Variants in MGAT4C observed in about 807,000 individuals in gnomAD.
MGAT4C encodes the protein alpha-1,3-mannosyl-glycoprotein 4-beta-N-acetylglucosaminyltransferase C.
MGAT4C carries 19 observed loss-of-function variants against 40.1 expected under a neutral mutation model. That is an observed-to-expected ratio of 0.47 (90% confidence interval 0.33 to 0.70). The LOEUF (loss-of-function observed/expected upper bound fraction) is 0.70. Ranked by LOEUF, MGAT4C falls within the 30% of genes least tolerant of loss-of-function variation. The probability of loss-of-function intolerance (pLI) is 0.02; values close to 1 mark genes in which losing one functional copy is unlikely to be tolerated. For missense variants in MGAT4C, 491 were observed against 563.2 expected (o/e 0.87, Z 1.30); for synonymous variants, 181 against 187.1 (o/e 0.97, Z 0.27).
At chr12:86,547,526 T>C (rs1402606874) in intron 2 of MGAT4C, among the ~76,000 whole-genome samples, 2 of 152,138 alleles carry the variant, frequency 1.3e-5, no homozygotes, top group Non-Finnish European at 2.9e-5. Context: ...TAGCATGTAC[T>C]CAAAGATACC....
At chr12:86,446,319 G>T (rs1342511202) in intron 2 of MGAT4C, among the ~76,000 whole-genome samples, 1 of 151,868 alleles carries the variant, frequency 6.6e-6, no homozygotes, top group African/African-American at 2.4e-5. Context: ...ACTCATCCCA[G>T]GAAAGCTGCT....
intron 3 of MGAT4C, among the ~76,000 whole-genome samples, chr12:86,383,361 G>A (rs1955984248): frequency 6.6e-6 from 1 of 151,852 alleles, no homozygotes; most frequent in African/African-American, 2.4e-5. Flanking sequence ...AGACCATCCT[G>A]GCCAACATGG....
At chr12:86,731,078 C>CT (rs968715757) in intron 1 of MGAT4C, among the ~76,000 whole-genome samples, 2 of 152,016 alleles carry the variant, frequency 1.3e-5, no homozygotes, top group Non-Finnish European at 2.9e-5. Context: ...CTTTTGATTC[C>CT]TGTGTAGATG....
rs1043892476 is a variant in MGAT4C, at chr12:86,083,007, A to G, written c.-56-33284T>C. 3.3e-5 allele frequency among the ~76,000 whole-genome samples: 5 copies of G among 152,016 alleles called. No homozygotes were observed. In the South Asian group the frequency reaches 1.0e-3, roughly 31 times the overall value. On this transcript the variant is annotated intron_variant, in intron 1 of 4. Coordinates refer to ENST00000611864, the MANE Select transcript of MGAT4C (RefSeq NM_001351288.2). ...TTGTTTCAAAGACAACTCAGTCTCA[A>G]TCTACCCACAAATGAACTCAAATTA...
intron 2 of MGAT4C, among the ~76,000 whole-genome samples, chr12:86,682,090 G>T (rs948614699): frequency 2.0e-5 from 3 of 152,016 alleles, no homozygotes; most frequent in Non-Finnish European, 4.4e-5. Context: ...TCTGAATGCA[G>T]GTGCATGGTT....
At chr12:86,751,914 C>A (rs1951236055) in intron 1 of MGAT4C, among the ~76,000 whole-genome samples, 1 of 151,778 alleles carries the variant, frequency 6.6e-6, no homozygotes, top group South Asian at 2.1e-4. Flanking sequence ...TTTGTTAGGA[C>A]CAGGCTTAAT....
intron 3 of MGAT4C, among the ~76,000 whole-genome samples, chr12:86,341,982 G>A (rs933616413): frequency 3.9e-5 from 6 of 152,214 alleles, no homozygotes; most frequent in South Asian, 2.1e-4. Flanking sequence ...GACCCCCAGC[G>A]CAGCAGAGCT....
intron 4 of MGAT4C, among the ~76,000 whole-genome samples, chr12:86,285,693 C>A (rs1339781613): frequency 3.5e-4 from 1 of 2,878 alleles, no homozygotes; most frequent in Non-Finnish European, 6.3e-4. Flanking sequence ...ATAAATATAC[C>A]CCTGATGTCT....
In MGAT4C at chr12:86,565,788, G is replaced by A. The variant is rs1402927641; in HGVS notation, c.-228-130523C>T. Among the ~76,000 whole-genome samples the A allele has an allele frequency of 2.6e-5, 4 of 152,184 alleles. No individual in the cohort carries two copies. In the East Asian group the frequency reaches 7.7e-4, roughly 29 times the overall value. ...CAGAGGAGAATTTTAATAATCAAAT[G>A]GATAGGATGACTTGTTCTGTGGACA... is the stretch of plus-strand genomic sequence containing the variant. On this transcript the variant is annotated intron_variant, in intron 2 of 7. Transcript: ENST00000548651.
At chr12:86,345,479 T>C (rs192280677) in intron 3 of MGAT4C, among the ~76,000 whole-genome samples, 13 of 151,352 alleles carry the variant, frequency 8.6e-5, no homozygotes, top group East Asian at 5.9e-4. Context: ...CCTGTGTCCA[T>C]GTGTTCTCTT....
At position 85,971,190 on chromosome 12, in the gene MGAT4C, C is replaced by A. The variant is rs1883606770; in HGVS notation, c.*8099G>T. 1 of 151,128 alleles carries A rather than the reference C, an allele frequency of 6.6e-6. No individual in the cohort carries two copies. The highest frequency in any genetic ancestry group is 6.6e-5 in the Admixed American group (1 of 15,124). 9.4% of individuals were successfully genotyped at this position (151,128 alleles called of 1,614,324 possible). ...GATATCAAAATAATTAAACAAATTT[C>A]ACTTTCTTCTTATAAAAGAAAATAA... On this transcript the variant is annotated 3_prime_UTR_variant, in exon 5 of 5. Coordinates refer to ENST00000611864, the MANE Select transcript of MGAT4C (RefSeq NM_001351288.2).
intron 2 of MGAT4C, among the ~76,000 whole-genome samples, chr12:86,680,120 C>A (rs1949953063): frequency 6.6e-6 from 1 of 151,856 alleles, no homozygotes; most frequent in Admixed American, 6.6e-5. Context: ...GAGAATTTGG[C>A]CAAATCCCCA....
chr12:86,057,067 T>C (rs1463178470), intron 1 of MGAT4C, among the ~76,000 whole-genome samples: 2 of 152,122 alleles, frequency 1.3e-5, no homozygotes, highest in African/African-American at 4.8e-5. Context: ...GAACTTATAT[T>C]AATTTTATTT....
chr12:86,510,669 A>G (rs1958561703), intron 2 of MGAT4C, among the ~76,000 whole-genome samples: 2 of 152,162 alleles, frequency 1.3e-5, no homozygotes, highest in Non-Finnish European at 2.9e-5. Flanking sequence ...ATGGAAAACA[A>G]AAAAAGGCAG....
intron 1 of MGAT4C, among the ~76,000 whole-genome samples, chr12:86,734,195 T>C (rs78630336): frequency 1.3e-5 from 2 of 151,992 alleles, no homozygotes; most frequent in Non-Finnish European, 2.9e-5. Flanking sequence ...TGAAGGGAGA[T>C]TGAAATAAAA....
chr12:86,228,978 T>C (rs1951207971), intron 1 of MGAT4C, among the ~76,000 whole-genome samples: 1 of 151,888 alleles, frequency 6.6e-6, no homozygotes, highest in Admixed American at 6.6e-5. Flanking sequence ...GGAGGGATCA[T>C]GAAATGTGTG....
intron 3 of MGAT4C, among the ~76,000 whole-genome samples, chr12:86,362,479 G>C (rs889870667): frequency 3.5e-5 from 3 of 85,280 alleles, no homozygotes; most frequent in African/African-American, 1.0e-4. Context: ...TAGAACTTAA[G>C]GTATAATAAA....
intron 1 of MGAT4C, among the ~76,000 whole-genome samples, chr12:86,824,754 AGAGAG>A (rs1952773186): frequency 1.7e-5 from 2 of 119,682 alleles, no homozygotes; most frequent in African/African-American, 5.4e-5. Flanking sequence ...AAAAAAAAAA[AGAGAG>A]AGAGAGAGAA....
In MGAT4C at chr12:85,974,663, G is replaced by A. The variant is rs2136666133; in HGVS notation, c.*4626C>T. The A allele has an allele frequency of 6.7e-6, 1 of 150,066 alleles. No individual in the cohort carries two copies. Among genetic ancestry groups the A allele is most frequent in the South Asian group, 2.1e-4 (1 of 4,792 alleles). The allele number at this position is 150,066 out of a possible 1,614,324, so 9.3% of individuals were successfully genotyped here. ...AATAAAAGATATATCCTCTGTTTGG[G>A]ATAAATAAAAAAAAAGTTTAAAAGC... is the stretch of plus-strand genomic sequence containing the variant. On this transcript the variant is annotated 3_prime_UTR_variant, in exon 5 of 5. Coordinates refer to ENST00000611864, the MANE Select transcript of MGAT4C (RefSeq NM_001351288.2).
Sources: allele counts gnomAD v4.1 joint callset (sites outside exome capture counted in the v4.1 genomes callset), GRCh38; gene constraint gnomAD v4.1.1; transcripts MANE v1.5; gene names NCBI Gene and HGNC (gene_info 2026-07-23, HGNC 2026-07-21).